BICC1: variants seen among roughly 807,000 people sequenced by gnomAD.
The protein encoded by BICC1 is protein bicaudal C homolog 1.
Under a neutral mutation model 111.0 loss-of-function variants are expected in BICC1, and 43 were observed. The ratio of observed to expected loss-of-function variants is 0.39; its 90% CI spans 0.30 to 0.50. The LOEUF is 0.50. Ranked by LOEUF, BICC1 falls within the 20% of genes least tolerant of loss-of-function variation. The probability of loss-of-function intolerance (pLI) is 0.88; values close to 1 mark genes in which losing one functional copy is unlikely to be tolerated. For missense variants in BICC1, 1,091 were observed against 1,203.2 expected (o/e 0.91, Z 1.38); for synonymous variants, 467 against 434.4 (o/e 1.07, Z -0.93).
Position 58,800,317 on chromosome 10 carries a change from C to G in BICC1, c.1849C>G (p.Pro617Ala). 6.2e-7 allele frequency: 1 copy of G among 1,613,342 alleles called. No homozygotes were observed. Among genetic ancestry groups the G allele is most frequent in the South Asian group, 1.1e-5 (1 of 90,958 alleles). ...TGAGCAGACATCTCCCAAATCAAGC[C>G]CCACTGAAGGTCGGGAACTGTACCC... ...GSEQTSPKSS[P>A]TEGCNDAFVE... The change falls in exon 13 of 21, where the codon CCC becomes GCC. Residue 617 changes from proline (P) to alanine (A), a missense_variant. Pro to Ala is a conservative substitution (Grantham distance 27, BLOSUM62 -1). Transcript: ENST00000373886.
At chr10:58,642,625 C>T (rs1838156362) in intron 2 of BICC1, among the ~76,000 whole-genome samples, 1 of 146,480 alleles carries the variant, frequency 6.8e-6, no homozygotes, top group Admixed American at 6.9e-5. Context: ...TTCTATTGCA[C>T]CAGTCACCAA....
intron 9 of BICC1, among the ~76,000 whole-genome samples, chr10:58,795,071 A>T (rs149772837): frequency 1.8e-4 from 28 of 152,324 alleles, no homozygotes; most frequent in Non-Finnish European, 3.5e-4. Context: ...CCTTTGGGGC[A>T]ATAGAAAGGA....
chr10:58,719,575 C>T (rs11006236), intron 3 of BICC1, among the ~76,000 whole-genome samples: 43,705 of 151,876 alleles, frequency 0.29, 7,056 homozygotes, highest in African/African-American at 0.44. Flanking sequence ...GGCGGGATCT[C>T]GGCTCACTGC....
At chr10:58,646,763 A>G (rs937514847) in intron 2 of BICC1, among the ~76,000 whole-genome samples, 1 of 147,636 alleles carries the variant, frequency 6.8e-6, no homozygotes, top group Non-Finnish European at 1.5e-5. Context: ...GTTGGGAGAT[A>G]TATGTTCTTT....
chr10:58,817,318 C>G (rs529291726), intron 18 of BICC1, among the ~76,000 whole-genome samples: 14 of 152,262 alleles, frequency 9.2e-5, no homozygotes, highest in Middle Eastern at 6.8e-3. Flanking sequence ...TACAGAGGCA[C>G]TGTTGCTGAA....
intron 2 of BICC1, among the ~76,000 whole-genome samples, chr10:58,680,760 T>A (rs143737044): frequency 0.016 from 2,502 of 152,288 alleles, 71 homozygotes; most frequent in African/African-American, 0.057. Flanking sequence ...TCATGCTACC[T>A]GACTTCAAAC....
In BICC1 at chr10:58,657,490, A is replaced by G. The variant is rs577061543; in HGVS notation, c.237+36589A>G. On this transcript the variant is annotated intron_variant, in intron 2 of 20. Coordinates refer to ENST00000373886, the MANE Select transcript of BICC1 (RefSeq NM_001080512.3). ...CCTTGATTGAACTGGCACCACCTGC[A>G]GGTACACTGTGATTGAGAGTAGTAG... Among the ~76,000 whole-genome samples the G allele has an allele frequency of 3.9e-5, 6 of 152,286 alleles. No homozygotes were observed. The South Asian group carries it at 6.2e-4, about 16-fold the overall frequency.
Position 58,788,352 on chromosome 10 carries a change from A to G in BICC1, c.547-18A>G, listed in dbSNP as rs1159163978. The G allele has an allele frequency of 5.0e-6, 8 of 1,584,266 alleles. No individual in the cohort carries two copies. The Admixed American group carries it at 5.1e-5, about 10-fold the overall frequency. ...TTGATTAAAATAAATCTAACTTTGT[A>G]TTTTCCTCCTCTTATAGGTATCTAT... is the stretch of plus-strand genomic sequence containing the variant. On this transcript the variant is annotated intron_variant, in intron 5 of 20. Transcript: ENST00000373886.
At chr10:58,769,404 GTATATATATATA>G (rs59606054) in intron 3 of BICC1, among the ~76,000 whole-genome samples, 1 of 109,746 alleles carries the variant, frequency 9.1e-6, no homozygotes, top group African/African-American at 3.2e-5. Flanking sequence ...GTGTGTGTGT[GTATATATATATA>G]TATATATATA....
intron 2 of BICC1, among the ~76,000 whole-genome samples, chr10:58,661,900 C>T (rs780908805): frequency 2.6e-5 from 4 of 151,940 alleles, no homozygotes; most frequent in Non-Finnish European, 4.4e-5. Flanking sequence ...CAGAAAAATT[C>T]GAGTGTAGGT....
At chr10:58,824,547 C>G (rs1844341347) in intron 20 of BICC1, among the ~76,000 whole-genome samples, 1 of 152,116 alleles carries the variant, frequency 6.6e-6, no homozygotes, top group African/African-American at 2.4e-5. Context: ...AGGAGTGTGT[C>G]TGGTCATATG....
intron 3 of BICC1, among the ~76,000 whole-genome samples, chr10:58,704,345 A>G (rs1389673671): frequency 4.6e-5 from 7 of 152,232 alleles, no homozygotes; most frequent in Non-Finnish European, 8.8e-5. Context: ...GGAGAGAATC[A>G]GAAGTTTGCC....
At chr10:58,602,852 A>G (rs1845085278) in intron 1 of BICC1, among the ~76,000 whole-genome samples, 1 of 152,210 alleles carries the variant, frequency 6.6e-6, no homozygotes, top group Non-Finnish European at 1.5e-5. Flanking sequence ...TCCCTTCTGA[A>G]TGATGACCCT....
chr10:58,656,733 C>T (rs989814157), intron 2 of BICC1, among the ~76,000 whole-genome samples: 5 of 152,120 alleles, frequency 3.3e-5, no homozygotes, highest in African/African-American at 4.8e-5. Flanking sequence ...CTAATAAGTT[C>T]AGTTCTAAAA....
intron 2 of BICC1, among the ~76,000 whole-genome samples, chr10:58,675,274 G>T (rs1427634883): frequency 6.6e-6 from 1 of 152,094 alleles, no homozygotes; most frequent in Admixed American, 6.6e-5. Flanking sequence ...GATGCATTTA[G>T]CCTCAACTAA....
rs1010512590 is a variant in BICC1, at chr10:58,757,574, G to A, written c.308-27427G>A. 2.0e-5 allele frequency among the ~76,000 whole-genome samples: 3 copies of A among 151,990 alleles called. No individual in the cohort carries two copies. The East Asian group carries it at 5.8e-4, about 29-fold the overall frequency. On this transcript the variant is annotated intron_variant, in intron 3 of 20. Transcript: ENST00000373886. ...TATATATTCAGAGTCTCTGACTAAG[G>A]TTTCAGTTCCTTTAAGAGATTGAGT...
At chr10:58,750,196 A>G (rs1357371590) in intron 3 of BICC1, among the ~76,000 whole-genome samples, 2 of 152,150 alleles carry the variant, frequency 1.3e-5, no homozygotes, top group Admixed American at 6.6e-5. Context: ...GAGTAGAAAA[A>G]TGGTAGCGAG....
At chr10:58,687,985 C>A (rs1839792850) in intron 2 of BICC1, among the ~76,000 whole-genome samples, 2 of 152,062 alleles carry the variant, frequency 1.3e-5, no homozygotes, top group South Asian at 4.2e-4. Flanking sequence ...ATCTTGGAAC[C>A]TCCCCCGAGT....
intron 3 of BICC1, among the ~76,000 whole-genome samples, chr10:58,726,367 A>G (rs1841104973): frequency 6.6e-6 from 1 of 152,198 alleles, no homozygotes; most frequent in Admixed American, 6.5e-5. Flanking sequence ...ATTCAATGAG[A>G]TGAGCATCGC....
Sources: gnomAD v4.1 joint callset for allele counts (sites outside exome capture counted in the v4.1 genomes callset) on GRCh38, gnomAD v4.1.1 for gene constraint, MANE v1.5 for transcripts, NCBI Gene and HGNC (gene_info 2026-07-23, HGNC 2026-07-21) for gene names.